EXD3: variants seen among roughly 807,000 people sequenced by gnomAD.
The protein encoded by EXD3 is exonuclease mut-7 homolog.
A neutral mutation model predicts 98.0 loss-of-function variants in EXD3; 92 were observed. The observed-to-expected ratio is 0.94, with a 90% confidence interval of 0.79 to 1.12. EXD3 has a LOEUF of 1.12. EXD3 is among the 50% of genes most tolerant of loss of function. The pLI is 0.00. For missense variants in EXD3, 1,222 were observed against 1,191.6 expected (o/e 1.03, Z -0.38); for synonymous variants, 569 against 526.0 (o/e 1.08, Z -1.12).
chr9:137,310,428 G>A (rs961527327), intron 19 of EXD3, among the ~76,000 whole-genome samples: 5 of 152,252 alleles, frequency 3.3e-5, no homozygotes, highest in South Asian at 2.1e-4. Flanking sequence ...GAGGTCTCAC[G>A]ATATTGCCCA....
chr9:137,350,944 G>A (rs1834265534), intron 14 of EXD3, 94 bp downstream of exon 14: 3 of 1,000,434 alleles, frequency 3.0e-6, no homozygotes, highest in Admixed American at 4.5e-5. Flanking sequence ...GGCGGGAGAA[G>A]CCCAGGGCCG....
intron 2 of EXD3, among the ~76,000 whole-genome samples, chr9:137,384,607 C>T (rs144729201): frequency 5.9e-5 from 9 of 152,296 alleles, no homozygotes; most frequent in Admixed American, 1.3e-4. Flanking sequence ...ACATCAGGAC[C>T]GGCCGACAAT....
chr9:137,351,289 T>G, intron 13 of EXD3, 29 bp downstream of exon 13: 1 of 1,593,948 alleles, frequency 6.3e-7, no homozygotes, highest in South Asian at 1.1e-5. Context: ...CTTTCTGGAC[T>G]GGGCAGGGGG....
chr9:137,373,320 G>T, intron 4 of EXD3, 106 bp downstream of exon 4: 1 of 1,372,520 alleles, frequency 7.3e-7, no homozygotes, highest in Non-Finnish European at 9.9e-7. Context: ...CCCTTCCCTG[G>T]CTTGCTGAGC....
intron 2 of EXD3, 117 bp from the exon 3 acceptor site, chr9:137,383,494 G>A: frequency 1.3e-6 from 1 of 743,650 alleles, no homozygotes; most frequent in Non-Finnish European, 2.2e-6. Flanking sequence ...TGGACCCGGG[G>A]GGCCGGGAAC....
In EXD3 at chr9:137,309,698, G is replaced by A. The variant is rs746981330; in HGVS notation, c.2187C>T (p.Ala729=). 6.4e-7 allele frequency: 1 copy of A among 1,552,554 alleles called. No individual in the cohort carries two copies. The highest frequency in any genetic ancestry group is 2.4e-5 in the East Asian group (1 of 41,188). The change falls in exon 20 of 22, where the codon GCC becomes GCT. Residue 729 remains alanine, a splice_region_variant and synonymous_variant. Transcript: ENST00000340951. Reference sequence around the variant, plus strand: ...CCTTTAGGTACTGGTCACAGTTACAGGCCTGGGGGCCAGAGGGGGTGCTGA... The same window carrying A: ...CCTTTAGGTACTGGTCACAGTTACAAGCCTGGGGGCCAGAGGGGGTGCTGA... ...THADIFSRCQ[A]CNCDQYLKVS... is the part of the protein sequence containing the mutation.
chr9:137,414,551 G>A (rs1244458237), intron 1 of EXD3, among the ~76,000 whole-genome samples: 1 of 152,164 alleles, frequency 6.6e-6, no homozygotes, highest in Non-Finnish European at 1.5e-5. Context: ...CACAGTGGAC[G>A]TGCCATTTTA....
intron 17 of EXD3, 61 bp downstream of exon 17, chr9:137,348,009 CA>C: frequency 6.6e-7 from 1 of 1,522,708 alleles, no homozygotes; most frequent in Non-Finnish European, 8.8e-7. Context: ...TAGGGGTGGG[CA>C]CACCTGTGCT....
intron 1 of EXD3, among the ~76,000 whole-genome samples, chr9:137,400,583 T>A (rs1193852112): frequency 6.6e-6 from 1 of 151,958 alleles, no homozygotes; most frequent in Non-Finnish European, 1.5e-5. Flanking sequence ...CTGACCAACA[T>A]GGAGAAACCC....
At chr9:137,399,226 G>A (rs765858736) in intron 1 of EXD3, among the ~76,000 whole-genome samples, 27 of 152,318 alleles carry the variant, frequency 1.8e-4, no homozygotes, top group Non-Finnish European at 2.4e-4. Flanking sequence ...CCCCTGACTC[G>A]AGTGCCAGCA....
intron 2 of EXD3, among the ~76,000 whole-genome samples, chr9:137,388,465 C>T (rs538666540): frequency 2.0e-5 from 3 of 152,134 alleles, no homozygotes; most frequent in African/African-American, 4.8e-5. Context: ...CAGACGCACG[C>T]GGGAAACTGT....
chr9:137,378,701 A>G (rs907027057), intron 3 of EXD3, among the ~76,000 whole-genome samples: 5 of 152,242 alleles, frequency 3.3e-5, no homozygotes, highest in African/African-American at 1.2e-4. Context: ...ACATCCACAT[A>G]GACAAGCCTT....
In EXD3 at chr9:137,403,675, G is replaced by GCT. The variant is rs1837582319; in HGVS notation, c.-47-8272_-47-8271insAG. Among the ~76,000 whole-genome samples the GCT allele has an allele frequency of 6.6e-6, 1 of 152,096 alleles. No homozygotes were observed. Among genetic ancestry groups the GCT allele is most frequent in the African/African-American group, 2.4e-5 (1 of 41,400 alleles). Reference sequence around the variant, plus strand: ...GGCCTTGGGGGAGATGGACCAGCAGGCCCGAGATCCAGGGTCTTAGGGCTC... The same window carrying GCT: ...GGCCTTGGGGGAGATGGACCAGCAGGCTCCCGAGATCCAGGGTCTTAGGGCTC... On this transcript the variant is annotated intron_variant, in intron 1 of 21. Transcript: ENST00000340951. The surrounding 1 kb of genome is among the most constrained non-coding windows in gnomAD (Gnocchi z 6.1).
chr9:137,342,394 C>T (rs1833693423), intron 17 of EXD3, among the ~76,000 whole-genome samples: 2 of 150,440 alleles, frequency 1.3e-5, no homozygotes, highest in South Asian at 4.2e-4. Context: ...TCCCAGGAGT[C>T]AGAGGAAACA....
chr9:137,394,454 C>T (rs1837101578), intron 2 of EXD3, among the ~76,000 whole-genome samples: 1 of 105,624 alleles, frequency 9.5e-6, no homozygotes, highest in Non-Finnish European at 1.8e-5. Flanking sequence ...AGCCCGGCCT[C>T]CCAGCCTCCG....
intron 10 of EXD3, chr9:137,353,307 C>T (rs73581567): frequency 0.15 from 148,759 of 985,246 alleles, 11,821 homozygotes; most frequent in Admixed American, 0.25. Flanking sequence ...TCTGCCGGCC[C>T]TCCTGCTCTC....
intron 2 of EXD3, among the ~76,000 whole-genome samples, chr9:137,386,858 C>T: frequency 7.0e-6 from 1 of 143,546 alleles, no homozygotes. Flanking sequence ...CACCCCTGCT[C>T]CCTGCCTGGC....
chr9:137,395,034 C>T lies in EXD3; in HGVS notation c.55+269G>A, dbSNP rs911829513. Among the ~76,000 whole-genome samples the T allele has an allele frequency of 2.0e-5, 3 of 152,130 alleles. No homozygotes were observed. Among genetic ancestry groups the T allele is most frequent in the Non-Finnish European group, 4.4e-5 (3 of 68,002 alleles). ...GCTGCACTGTCCCCGCCACCTCCCC[C>T]GGATCCTGTCACAGGCCCGGCGCCA... is the stretch of plus-strand genomic sequence containing the variant. On this transcript the variant is annotated intron_variant, in intron 2 of 21. Transcript: ENST00000340951. The surrounding 1 kb of genome is among the most constrained non-coding windows in gnomAD (Gnocchi z 6.5).
chr9:137,316,120 G>A (rs1237425785), intron 19 of EXD3, among the ~76,000 whole-genome samples: 1 of 151,292 alleles, frequency 6.6e-6, no homozygotes, highest in Non-Finnish European at 1.5e-5. Context: ...GCGGCGCGCT[G>A]GCTTTCCCAG....
Sources: gnomAD v4.1 joint callset for allele counts (sites outside exome capture counted in the v4.1 genomes callset) on GRCh38, gnomAD v4.1.1 for gene constraint, Gnocchi (gnomAD v3.1) non-coding constraint, MANE v1.5 for transcripts, NCBI Gene and HGNC (gene_info 2026-07-23, HGNC 2026-07-21) for gene names.